The following CAMK1D variants were observed in gnomAD, a reference collection of about 807,000 sequenced individuals.
CAMK1D encodes the protein calcium/calmodulin-dependent protein kinase type 1D.
In CAMK1D, 9 loss-of-function variants were observed where a neutral mutation model predicts 47.7. That is an observed-to-expected ratio of 0.19 (90% confidence interval 0.11 to 0.33). CAMK1D has a LOEUF of 0.33. Ranked by LOEUF, CAMK1D falls within the 10% of genes least tolerant of loss-of-function variation. CAMK1D has a pLI of 1.00. For missense variants in CAMK1D, 291 were observed against 488.7 expected, an observed-to-expected ratio of 0.60 and a Z score of 3.81; for synonymous variants, 184 against 184.9, an observed-to-expected ratio of 0.99 and a Z score of 0.04.
At chr10:12,671,189 T>G (rs1226045161) in intron 3 of CAMK1D, among the ~76,000 whole-genome samples, 1 of 152,328 alleles carries the variant, frequency 6.6e-6, no homozygotes, top group East Asian at 1.9e-4. Context: ...ACATTTTGTT[T>G]CTCTGTTTTT....
At chr10:12,413,390 C>T (rs886111331) in intron 1 of CAMK1D, among the ~76,000 whole-genome samples, 2 of 151,892 alleles carry the variant, frequency 1.3e-5, no homozygotes, top group South Asian at 2.1e-4. Flanking sequence ...GAGTACAATT[C>T]ATCATAACAT....
At chr10:12,824,144 G>C (rs1458820521) in intron 8 of CAMK1D, among the ~76,000 whole-genome samples, 1 of 152,096 alleles carries the variant, frequency 6.6e-6, no homozygotes, top group Non-Finnish European at 1.5e-5. Context: ...CATTGTCACT[G>C]TGGATTCTGA....
intron 2 of CAMK1D, among the ~76,000 whole-genome samples, chr10:12,657,763 T>C (rs78266501): frequency 0.018 from 2,770 of 152,322 alleles, 48 homozygotes; most frequent in South Asian, 0.11. Context: ...CTAGATGTTT[T>C]ACTCTGCCTG....
intron 3 of CAMK1D, among the ~76,000 whole-genome samples, chr10:12,734,575 T>C (rs1469832933): frequency 6.7e-6 from 1 of 148,938 alleles, no homozygotes; most frequent in Non-Finnish European, 1.5e-5. Context: ...TATGTGTATA[T>C]ATATATATAG....
At chr10:12,605,179 C>A (rs957671783) in intron 2 of CAMK1D, among the ~76,000 whole-genome samples, 1 of 152,120 alleles carries the variant, frequency 6.6e-6, no homozygotes, top group Non-Finnish European at 1.5e-5. Context: ...AGCCACCGTG[C>A]CGGGTACCAG....
In CAMK1D at chr10:12,824,350, C is replaced by T. The variant is rs547008874; in HGVS notation, c.834-115C>T. On this transcript the variant is annotated intron_variant, in intron 8 of 10. Coordinates refer to ENST00000619168, the MANE Select transcript of CAMK1D (RefSeq NM_153498.4). Reference sequence around the variant, plus strand: ...GCCTGGAAGGGCAGCGGCCAGCCACCCTGTCCACGACTGAGCCTCGGCTCT... The same window carrying T: ...GCCTGGAAGGGCAGCGGCCAGCCACTCTGTCCACGACTGAGCCTCGGCTCT... The T allele has an allele frequency of 3.6e-5, 30 of 840,400 alleles. No individual in the cohort carries two copies. In the South Asian group the frequency reaches 4.4e-4, roughly 12 times the overall value. The allele number at this position is 840,400 out of a possible 1,614,324, so 52.1% of individuals were successfully genotyped here.
chr10:12,781,893 C>T (rs796537617), intron 5 of CAMK1D, among the ~76,000 whole-genome samples: 68 of 152,146 alleles, frequency 4.5e-4, no homozygotes, highest in African/African-American at 1.5e-3. Flanking sequence ...GGTGACCCAC[C>T]GGCCTCAGCT....
intron 1 of CAMK1D, among the ~76,000 whole-genome samples, chr10:12,362,554 G>A (rs1333364117): frequency 6.6e-6 from 1 of 152,166 alleles, no homozygotes; most frequent in Non-Finnish European, 1.5e-5. Flanking sequence ...CTGGAGTGCA[G>A]TGGCGCCATC....
intron 6 of CAMK1D, among the ~76,000 whole-genome samples, chr10:12,812,335 G>C (rs1040280909): frequency 1.3e-5 from 2 of 152,216 alleles, no homozygotes; most frequent in Non-Finnish European, 2.9e-5. Flanking sequence ...CCCACCATGG[G>C]CCGGGCTCAG....
chr10:12,574,669 GTTC>G (rs1360249051), intron 2 of CAMK1D, among the ~76,000 whole-genome samples: 8 of 151,678 alleles, frequency 5.3e-5, no homozygotes, highest in Non-Finnish European at 1.0e-4. Context: ...GTGTTAGTCT[GTTC>G]TCACACTGCT....
intron 1 of CAMK1D, among the ~76,000 whole-genome samples, chr10:12,463,489 T>C (rs900274452): frequency 6.6e-6 from 1 of 152,218 alleles, no homozygotes; most frequent in Admixed American, 6.5e-5. Flanking sequence ...AGGTTGGTAC[T>C]AACCAGTATT....
rs545824860 is a variant in CAMK1D at position 12,761,180 on chromosome 10, T to C, written c.438+94T>C. ...GATGCCAGTGGGGGCATGCAGCTGCTCTGATGTAGAGTGGGTGCAGCAGAT... is the reference window on the plus strand; with the variant it reads ...GATGCCAGTGGGGGCATGCAGCTGCCCTGATGTAGAGTGGGTGCAGCAGAT... On this transcript the variant is annotated intron_variant, in intron 4 of 10. Coordinates refer to ENST00000619168, the MANE Select transcript of CAMK1D (RefSeq NM_153498.4). 13 of 1,459,270 alleles carry C rather than the reference T, an allele frequency of 8.9e-6. No individual in the cohort carries two copies. The African/African-American group carries it at 9.7e-5, about 11-fold the overall frequency. The allele number at this position is 1,459,270 out of a possible 1,614,324, so 90.4% of individuals were successfully genotyped here. A position where few individuals can be genotyped will look rare whatever the true frequency, so the allele number is the denominator to read the frequency against.
intron 2 of CAMK1D, among the ~76,000 whole-genome samples, chr10:12,567,369 C>A (rs138038156): frequency 1.3e-5 from 2 of 152,228 alleles, no homozygotes; most frequent in South Asian, 4.2e-4. Flanking sequence ...GACAACAGAG[C>A]GAGTCTGGGG....
chr10:12,509,095 G>A (rs572946230), intron 1 of CAMK1D, among the ~76,000 whole-genome samples: 16 of 152,328 alleles, frequency 1.1e-4, no homozygotes, highest in African/African-American at 3.8e-4. Flanking sequence ...CTTGTGCAGA[G>A]AGAGCAGTAG....
At chr10:12,791,566 A>G (rs1269275032) in intron 6 of CAMK1D, among the ~76,000 whole-genome samples, 5 of 152,200 alleles carry the variant, frequency 3.3e-5, no homozygotes, top group African/African-American at 1.2e-4. Flanking sequence ...TATAAGTGGA[A>G]TCACACAGTA....
chr10:12,503,826 C>T lies in CAMK1D; in HGVS notation c.93-49399C>T, dbSNP rs576496752. Among the ~76,000 whole-genome samples the T allele has an allele frequency of 1.1e-4, 17 of 152,204 alleles. No homozygotes were observed. In the South Asian group the frequency reaches 3.5e-3, roughly 32 times the overall value. ...AGGTTCGAGTATTTTCCCTTGGAGT[C>T]CTGCTTTGTGCCAATGTTAAAGTTA... On this transcript the variant is annotated intron_variant, in intron 1 of 10. Transcript: ENST00000619168.
rs1432420776 is a variant in CAMK1D at position 12,457,082 on chromosome 10, AAG to A, written c.93-96139_93-96138del. Among the ~76,000 whole-genome samples the A allele has an allele frequency of 2.6e-5, 4 of 152,266 alleles. 1 individual carries two copies. The Middle Eastern group carries it at 0.01, about 388-fold the overall frequency. ...ACAGTGGAACGCTATGCAGCTGTTA[AAG>A]AGAATGATAAAAATCTGTGTTTCTG... On this transcript the variant is annotated intron_variant, in intron 1 of 10. Coordinates refer to ENST00000619168, the MANE Select transcript of CAMK1D (RefSeq NM_153498.4).
At chr10:12,546,491 G>A (rs559615753) in intron 1 of CAMK1D, among the ~76,000 whole-genome samples, 1 of 152,268 alleles carries the variant, frequency 6.6e-6, no homozygotes, top group East Asian at 1.9e-4. Context: ...TCTGGGAAGG[G>A]CCTTTGTGGG....
chr10:12,821,234 C>T (rs546146685), intron 8 of CAMK1D, among the ~76,000 whole-genome samples: 48 of 152,286 alleles, frequency 3.2e-4, no homozygotes, highest in African/African-American at 1.1e-3. Context: ...GGACTCTAGT[C>T]GGTTTGACTC....
Sources: allele counts gnomAD v4.1 joint callset (sites outside exome capture counted in the v4.1 genomes callset), GRCh38; gene constraint gnomAD v4.1.1; transcripts MANE v1.5; gene names NCBI Gene and HGNC (gene_info 2026-07-23, HGNC 2026-07-21).